Variants in PRKCZ observed in about 807,000 individuals in gnomAD.
PRKCZ encodes protein kinase C zeta, also known as protein kinase C zeta type.
Under a neutral mutation model 79.5 loss-of-function variants are expected in PRKCZ, and 33 were observed. The observed-to-expected ratio is 0.41, with a 90% CI of 0.31 to 0.55. The LOEUF is 0.55. PRKCZ is among the 20% of genes least tolerant of loss of function. The pLI is 0.19. For synonymous variants in PRKCZ, 342 were observed against 320.9 expected, an observed-to-expected ratio of 1.07 and a Z score of -0.70; for missense variants, 578 against 813.5, an observed-to-expected ratio of 0.71 and a Z score of 3.52.
intron 4 of PRKCZ, among the ~76,000 whole-genome samples, chr1:2,129,610 G>A (rs918073964): frequency 3.3e-5 from 5 of 152,158 alleles, no homozygotes; most frequent in Admixed American, 1.3e-4. Context: ...TGTAGCAGGC[G>A]GGTGGAAGAT....
intron 4 of PRKCZ, chr1:2,074,112 C>G: frequency 1.3e-6 from 2 of 1,514,824 alleles, no homozygotes; most frequent in East Asian, 4.9e-5. Context: ...TGCCACGGCC[C>G]GGGGAAGGCG....
intron 16 of PRKCZ, chr1:2,182,388 G>A (rs201856278): frequency 5.8e-4 from 91 of 156,766 alleles, no homozygotes; most frequent in Non-Finnish European, 1.0e-3. Context: ...ACGACTGGAG[G>A]GTCCTGAGGA....
chr1:2,107,557 C>T (rs1668801090), intron 4 of PRKCZ, among the ~76,000 whole-genome samples: 1 of 152,194 alleles, frequency 6.6e-6, no homozygotes, highest in Non-Finnish European at 1.5e-5. Context: ...GGATCAGTTC[C>T]TAGAAGTAGG....
Position 2,150,831 on chromosome 1 carries a change from C to A in PRKCZ, c.729C>A (p.Ile243=), listed in dbSNP as rs2103221220. 6.2e-7 allele frequency: 1 copy of A among 1,614,186 alleles called. No individual in the cohort carries two copies. Among genetic ancestry groups the A allele is most frequent in the African/African-American group, 1.3e-5 (1 of 75,062 alleles). Residue 243 remains isoleucine (I), a synonymous_variant, in exon 9 of 18, where the codon ATC becomes ATA. Transcript: ENST00000378567. ...PVIDGMDGIK[I]SQGLGLQDFD... is the part of the protein sequence containing the mutation. The stretch of plus-strand genomic sequence containing the variant: ...TCGATGGGATGGATGGAATCAAAAT[C>A]TCTCAGGGGCTTGGGCTGCAGGACT...
intron 9 of PRKCZ, 49 bp downstream of exon 9, chr1:2,151,027 T>C (rs745363498): frequency 7.5e-6 from 12 of 1,594,738 alleles, no homozygotes; most frequent in Non-Finnish European, 1.0e-5. Flanking sequence ...CGCGCTGCCC[T>C]GGGGCCTCCT....
intron 10 of PRKCZ, among the ~76,000 whole-genome samples, chr1:2,161,918 A>G (rs908351115): frequency 1.3e-5 from 2 of 151,924 alleles, no homozygotes; most frequent in African/African-American, 2.4e-5. Flanking sequence ...ACTACTAGAT[A>G]ACGACAGAGA....
intron 4 of PRKCZ, among the ~76,000 whole-genome samples, chr1:2,104,081 C>G (rs1475625204): frequency 6.6e-6 from 1 of 151,976 alleles, no homozygotes; most frequent in East Asian, 1.9e-4. Context: ...GGAGGGGGGT[C>G]TTCCAGGATG....
At chr1:2,051,420 C>T (rs1193862802) in intron 1 of PRKCZ, among the ~76,000 whole-genome samples, 1 of 152,236 alleles carries the variant, frequency 6.6e-6, no homozygotes, top group African/African-American at 2.4e-5. Flanking sequence ...GGTCGCTGCC[C>T]CCCGAAGTGT....
chr1:2,143,102 C>T (rs1021306838), intron 5 of PRKCZ: 3 of 148,692 alleles, frequency 2.0e-5, no homozygotes, highest in Non-Finnish European at 3.0e-5. Flanking sequence ...AATCTCGGCT[C>T]ACTGCAAGCT....
chr1:2,144,594 G>GGTAC, intron 6 of PRKCZ: 1 of 1,347,480 alleles, frequency 7.4e-7, no homozygotes, highest in Non-Finnish European at 9.6e-7. Flanking sequence ...GGTAGGACGT[G>GGTAC]GTACGCTCTG....
intron 4 of PRKCZ, among the ~76,000 whole-genome samples, chr1:2,072,204 C>T (rs1463536687): frequency 2.6e-5 from 4 of 152,234 alleles, no homozygotes; most frequent in Admixed American, 1.3e-4. Context: ...GAGAAGTGGC[C>T]GTGCCTCGTG....
chr1:2,078,511 A>G (rs1662860185), intron 4 of PRKCZ, among the ~76,000 whole-genome samples: 2 of 152,138 alleles, frequency 1.3e-5, no homozygotes. Flanking sequence ...CTCAAGTTTC[A>G]TGATAATGTT....
intron 5 of PRKCZ, among the ~76,000 whole-genome samples, chr1:2,139,694 C>G (rs977762528): frequency 6.6e-6 from 1 of 152,198 alleles, no homozygotes; most frequent in South Asian, 2.1e-4. Context: ...ATGGACCCTA[C>G]TCTCTGGAAA....
At position 2,094,556 on chromosome 1, in the gene PRKCZ, C is replaced by T. The variant is rs1178662877; in HGVS notation, c.334+34965C>T. On this transcript the variant is annotated intron_variant, in intron 4 of 17. Transcript: ENST00000378567. The surrounding 1 kb of genome is among the most constrained non-coding windows in gnomAD (Gnocchi z 7.3). ...GTTCTGAGGCGCCCTCTGTGCCCGG[C>T]TCGATGAACCTTGGGCGCTGCCCGT... 8.2e-6 allele frequency among the ~76,000 whole-genome samples: 1 copy of T among 122,410 alleles called. No individual in the cohort carries two copies. The highest frequency in any genetic ancestry group is 1.6e-5 in the Non-Finnish European group (1 of 61,096). 80.3% of individuals were successfully genotyped at this position (122,410 alleles called of 152,430 possible).
chr1:2,175,391 AC>A, intron 16 of PRKCZ, 78 bp downstream of exon 16: 1 of 1,078,364 alleles, frequency 9.3e-7, no homozygotes, highest in Non-Finnish European at 1.3e-6. Context: ...CCCAACCCCA[AC>A]CCCAATATTC....
intron 4 of PRKCZ, among the ~76,000 whole-genome samples, chr1:2,131,657 C>T (rs1674975716): frequency 6.6e-6 from 1 of 152,214 alleles, no homozygotes; most frequent in African/African-American, 2.4e-5. Flanking sequence ...CTGCCCCCGG[C>T]AGCCAGCCAG....
intron 4 of PRKCZ, among the ~76,000 whole-genome samples, chr1:2,096,390 C>T (rs1206921854): frequency 6.6e-6 from 1 of 152,114 alleles, no homozygotes; most frequent in African/African-American, 2.4e-5. Context: ...CGGCATCCCA[C>T]TGGGAGCACG....
rs924860182 is a variant in PRKCZ, at chr1:2,128,974, C to T, written c.335-6288C>T. Among the ~76,000 whole-genome samples, 3 of 152,082 alleles carry T rather than the reference C, an allele frequency of 2.0e-5. No individual in the cohort carries two copies. The highest frequency in any genetic ancestry group is 2.9e-5 in the Non-Finnish European group (2 of 68,016). On this transcript the variant is annotated intron_variant, in intron 4 of 17. Transcript: ENST00000378567. The surrounding 1 kb of genome is among the most constrained non-coding windows in gnomAD (Gnocchi z 6.5). ...TTCTCCTTTTCACAGCGCTGTCTGT[C>T]GCTTAGGTCAGAAATAGGCCCATCG...
At chr1:2,141,836 C>T (rs905902628) in intron 5 of PRKCZ, 9 of 232,970 alleles carry the variant, frequency 3.9e-5, no homozygotes, top group African/African-American at 9.4e-5. Context: ...GCGCTGTGGA[C>T]GCGGAGGAGA....
Sources: gnomAD v4.1 joint callset for allele counts (sites outside exome capture counted in the v4.1 genomes callset) on GRCh38, gnomAD v4.1.1 for gene constraint, Gnocchi (gnomAD v3.1) non-coding constraint, MANE v1.5 for transcripts, NCBI Gene and HGNC (gene_info 2026-07-23, HGNC 2026-07-21) for gene names.